Variants in PDCD11 observed in about 807,000 individuals in gnomAD.
PDCD11 encodes programmed cell death 11.
In PDCD11, 97 loss-of-function variants were observed where a neutral mutation model predicts 198.9. The observed-to-expected ratio is 0.49, with a 90% CI of 0.41 to 0.58. The LOEUF (loss-of-function observed/expected upper bound fraction) is 0.58. PDCD11 is among the 20% of genes least tolerant of loss of function. PDCD11 has a pLI of 0.00. For synonymous variants in PDCD11, 893 were observed against 918.0 expected (o/e 0.97, Z 0.49); for missense variants, 2,102 against 2,312.7 (o/e 0.91, Z 1.87).
Position 103,417,439 on chromosome 10 carries a change from C to G in PDCD11, c.1771-353C>G, listed in dbSNP as rs939596984. On this transcript the variant is annotated intron_variant, in intron 13 of 35. Coordinates refer to ENST00000369797, the MANE Select transcript of PDCD11 (RefSeq NM_014976.2). ...CAGCCTGCCTTGGCCTTTCAAAGTGCTGGAATTACAGGCCTGAGCCACTAA... is the reference window on the plus strand; with the variant it reads ...CAGCCTGCCTTGGCCTTTCAAAGTGGTGGAATTACAGGCCTGAGCCACTAA... Among the ~76,000 whole-genome samples, 7 of 152,198 alleles carry G rather than the reference C, an allele frequency of 4.6e-5. 1 individual carries two copies. The highest frequency in any genetic ancestry group is 1.7e-4 in the African/African-American group (7 of 41,460).
intron 2 of PDCD11, 25 bp from the exon 3 acceptor site, chr10:103,400,372 G>A: frequency 6.3e-7 from 1 of 1,597,296 alleles, no homozygotes; most frequent in Non-Finnish European, 8.5e-7. Flanking sequence ...TTGGGTCTTT[G>A]TGGGCTCCCC....
intron 2 of PDCD11, among the ~76,000 whole-genome samples, chr10:103,399,290 T>C (rs2093452288): frequency 6.6e-6 from 1 of 152,086 alleles, no homozygotes; most frequent in Non-Finnish European, 1.5e-5. Context: ...CCTCAGATGA[T>C]CTGCTCACCT....
chr10:103,418,075 A>G, intron 14 of PDCD11, 143 bp downstream of exon 14: 1 of 853,252 alleles, frequency 1.2e-6, no homozygotes, highest in Non-Finnish European at 1.9e-6. Context: ...GTTCATACGC[A>G]TTCCTTCCTG....
At chr10:103,407,634 T>C (rs1274752637) in intron 7 of PDCD11, among the ~76,000 whole-genome samples, 1 of 152,088 alleles carries the variant, frequency 6.6e-6, no homozygotes, top group African/African-American at 2.4e-5. Context: ...GGTGTTGAAC[T>C]CCTGAGCTCT....
rs1460755240 is a variant in PDCD11 at position 103,406,096 on chromosome 10, C to G, written c.676C>G (p.Gln226Glu). The part of the protein sequence containing the change: ...PLLKAQEYIR[Q>E]KNKGAKLKVG... ...GCTGAAAGCCCAGGAGTACATCAGA[C>G]AGAAGAACAAAGGTGAGGGCAAGAA... The change falls in exon 6 of 36, where the codon CAG becomes GAG. Residue 226 changes from glutamine to glutamate, a missense_variant. Coordinates refer to ENST00000369797, the MANE Select transcript of PDCD11 (RefSeq NM_014976.2). 2 of 1,613,894 alleles carry G rather than the reference C, an allele frequency of 1.2e-6. No individual in the cohort carries two copies. Among genetic ancestry groups the G allele is most frequent in the East Asian group, 4.5e-5 (2 of 44,898 alleles).
At position 103,441,867 on chromosome 10, in the gene PDCD11, G is replaced by C. The variant is rs375341321; in HGVS notation, c.4599G>C (p.Leu1533=). 4 of 1,614,102 alleles carry C rather than the reference G, an allele frequency of 2.5e-6. No individual in the cohort carries two copies. The African/African-American group carries it at 5.3e-5, about 22-fold the overall frequency. Residue 1533 remains leucine (L), a synonymous_variant, in exon 31 of 36, where the codon CTG becomes CTC. Transcript: ENST00000369797. The stretch of plus-strand genomic sequence containing the variant: ...CAGCAGAAGCGCCCCGGCTGCAGCT[G>C]TCTTCAGGCTTCGCTTGGAATGTGG... ...TKPAEAPRLQ[L]SSGFAWNVGL...
intron 34 of PDCD11, 174 bp downstream of exon 34, chr10:103,444,242 G>C (rs553966464): frequency 2.6e-5 from 17 of 659,530 alleles, no homozygotes; most frequent in Admixed American, 8.8e-5. Flanking sequence ...CAAATGTCAG[G>C]CTCCAAAAGA....
Position 103,425,072 on chromosome 10 carries a change from C to T in PDCD11, c.2852C>T (p.Ala951Val), listed in dbSNP as rs1035195123. The T allele has an allele frequency of 6.8e-6, 11 of 1,614,128 alleles. No homozygotes were observed. The African/African-American group carries it at 1.2e-4, about 18-fold the overall frequency. Reference sequence around the variant, plus strand: ...TCCTTGGTAGAGACGGGCCACCTGGCAGCTTTCTCCCTGACCTCTCACCTC... The same window carrying T: ...TCCTTGGTAGAGACGGGCCACCTGGTAGCTTTCTCCCTGACCTCTCACCTC... ...IASLVETGHL[A>V]AFSLTSHLND... The change falls in exon 20 of 36, where the codon GCA (alanine) becomes GTA (valine). Residue 951 changes from alanine to valine, a missense_variant. Physicochemically the swap from Ala to Val is moderately conservative, Grantham distance 64. Coordinates refer to ENST00000369797, the MANE Select transcript of PDCD11 (RefSeq NM_014976.2).
At chr10:103,438,192 C>T (rs1404432042) in intron 26 of PDCD11, 121 bp downstream of exon 26, 10 of 763,952 alleles carry the variant, frequency 1.3e-5, no homozygotes, top group Non-Finnish European at 6.9e-6. Flanking sequence ...ACTTTTTATC[C>T]TGAACCTCTT....
chr10:103,435,437 G>T (rs1455685667), intron 25 of PDCD11, among the ~76,000 whole-genome samples: 1 of 150,442 alleles, frequency 6.6e-6, no homozygotes, highest in East Asian at 1.9e-4. Flanking sequence ...TGGGTTTTTT[G>T]TTTTTTTTTA....
intron 35 of PDCD11, 99 bp downstream of exon 35, chr10:103,444,781 C>G: frequency 8.6e-7 from 1 of 1,167,622 alleles, no homozygotes; most frequent in Non-Finnish European, 1.3e-6. Flanking sequence ...CTTACTTGAT[C>G]TAGAAAACCA....
At chr10:103,399,447 C>T (rs1353215624) in intron 2 of PDCD11, among the ~76,000 whole-genome samples, 1 of 152,056 alleles carries the variant, frequency 6.6e-6, no homozygotes, top group Non-Finnish European at 1.5e-5. Flanking sequence ...TGGGCTCAGT[C>T]GATCCTCCCT....
chr10:103,419,851 G>A, intron 16 of PDCD11, 143 bp downstream of exon 16: 1 of 650,836 alleles, frequency 1.5e-6, no homozygotes, highest in South Asian at 2.6e-5. Context: ...TTGCAGTGGT[G>A]TGATCTCTGC....
chr10:103,431,800 T>G (rs2031947196), intron 21 of PDCD11, among the ~76,000 whole-genome samples: 1 of 152,220 alleles, frequency 6.6e-6, no homozygotes, highest in Non-Finnish European at 1.5e-5. Flanking sequence ...CAGTGAGAGA[T>G]AATTTTTGAA....
At chr10:103,428,596 A>G (rs1422813997) in intron 21 of PDCD11, among the ~76,000 whole-genome samples, 1 of 152,144 alleles carries the variant, frequency 6.6e-6, no homozygotes, top group Non-Finnish European at 1.5e-5. Flanking sequence ...TAAACCCTTA[A>G]TTAGGGTTGA....
intron 16 of PDCD11, 97 bp downstream of exon 16, chr10:103,419,805 T>G: frequency 9.1e-7 from 1 of 1,104,482 alleles, no homozygotes; most frequent in South Asian, 1.6e-5. Context: ...ATTCCTTTTT[T>G]TTTTGAGACA....
chr10:103,398,109 A>G (rs1341965939), intron 1 of PDCD11, among the ~76,000 whole-genome samples: 1 of 152,244 alleles, frequency 6.6e-6, no homozygotes, highest in African/African-American at 2.4e-5. Context: ...GCAGAGGATT[A>G]TATATTCATC....
intron 3 of PDCD11, among the ~76,000 whole-genome samples, chr10:103,401,887 C>T (rs554317816): frequency 2.4e-3 from 367 of 152,086 alleles, no homozygotes; most frequent in African/African-American, 7.7e-3. Context: ...GGACTACAGG[C>T]GCCCGCCACC....
Position 103,413,109 on chromosome 10 carries a change from T to C in PDCD11, c.979-7T>C. ...CTCCTGCTCACCCTGCCCTTCCTTT[T>C]GTCTAGGTGAGGGCCTGCATCCTTT... On this transcript the variant is annotated splice_region_variant and splice_polypyrimidine_tract_variant and intron_variant, in intron 8 of 35. Coordinates refer to ENST00000369797, the MANE Select transcript of PDCD11 (RefSeq NM_014976.2). The C allele has an allele frequency of 6.2e-7, 1 of 1,612,652 alleles. No homozygotes were observed. Among genetic ancestry groups the C allele is most frequent in the Non-Finnish European group, 8.5e-7 (1 of 1,178,956 alleles).
Sources: gnomAD v4.1 joint callset for allele counts (sites outside exome capture counted in the v4.1 genomes callset) on GRCh38, gnomAD v4.1.1 for gene constraint, MANE v1.5 for transcripts, NCBI Gene and HGNC (gene_info 2026-07-23, HGNC 2026-07-21) for gene names.